VIL1: variants seen among roughly 807,000 people sequenced by gnomAD.
VIL1 encodes the protein villin-1.
A neutral mutation model predicts 104.0 loss-of-function variants in VIL1; 86 were observed. The ratio of observed to expected loss-of-function variants is 0.83; its 90% confidence interval spans 0.69 to 0.99. The LOEUF (loss-of-function observed/expected upper bound fraction) is 0.99. Ranked by LOEUF, VIL1 falls within the 50% of genes least tolerant of loss-of-function variation. The pLI is 0.00. For missense variants in VIL1, 944 were observed against 1,054.1 expected (o/e 0.90, Z 1.45); for synonymous variants, 394 against 412.6 (o/e 0.95, Z 0.55).
At chr2:218,428,427 G>A in intron 6 of VIL1, 90 bp downstream of exon 6, 1 of 1,145,604 alleles carries the variant, frequency 8.7e-7, no homozygotes, top group Admixed American at 1.9e-5. Flanking sequence ...CTGACTGCTG[G>A]GGACAGCATG....
In VIL1 at chr2:218,432,791, A is replaced by G. The variant is rs1456300301; in HGVS notation, c.1342-2A>G. 1 of 1,614,074 alleles carries G rather than the reference A, an allele frequency of 6.2e-7. No individual in the cohort carries two copies. Among genetic ancestry groups the G allele is most frequent in the Non-Finnish European group, 8.5e-7 (1 of 1,179,994 alleles). ...CACTCACTCCCTCCTGCTCATCCCCAGGGCAGCCAGGCCAGCCAAGATGAA... is the reference window on the plus strand; with the variant it reads ...CACTCACTCCCTCCTGCTCATCCCCGGGGCAGCCAGGCCAGCCAAGATGAA... On this transcript the variant is annotated splice_acceptor_variant, in intron 12 of 19. Coordinates refer to ENST00000248444, the MANE Select transcript of VIL1 (RefSeq NM_007127.3). LOFTEE classifies it high-confidence loss of function.
rs368993342 is a variant in VIL1 at position 218,440,836 on chromosome 2, G to A, written c.2344G>A (p.Glu782Lys). 5.7e-5 allele frequency: 92 copies of A among 1,613,994 alleles called. No individual in the cohort carries two copies. The highest frequency in any genetic ancestry group is 2.2e-4 in the East Asian group (10 of 44,884). Residue 782 changes from glutamate to lysine, a missense_variant, in exon 19 of 20, where the codon GAG becomes AAG. By Grantham distance (56) the Glu-to-Lys change is moderately conservative. Transcript: ENST00000248444. Reference sequence around the variant, plus strand: ...GAACAAGCCTGTAGAGGAGCTCCCCGAGGGTGTGGACCCCAGCAGGAAGGA... The same window carrying A: ...GAACAAGCCTGTAGAGGAGCTCCCCAAGGGTGTGGACCCCAGCAGGAAGGA... ...LVNKPVEELP[E>K]GVDPSRKEEH... is the part of the protein sequence containing the mutation.
chr2:218,445,768 T>C (rs116461407), intron 19 of VIL1, among the ~76,000 whole-genome samples: 1,817 of 152,218 alleles, frequency 0.012, 27 homozygotes, highest in African/African-American at 0.042. Flanking sequence ...TGATGTTTTA[T>C]AGCAACTTTA....
intron 1 of VIL1, among the ~76,000 whole-genome samples, 196 bp downstream of exon 1, chr2:218,419,364 C>G (rs1688862602): frequency 6.6e-6 from 1 of 152,110 alleles, no homozygotes; most frequent in African/African-American, 2.4e-5. Flanking sequence ...GAGACTTTTG[C>G]AGGCCCTGCC....
Position 218,440,723 on chromosome 2 carries a change from A to T in VIL1, c.2231A>T (p.Glu744Val). Reference protein sequence around the residue: ...NSRDWSQITAEVTSPKVDVFN... With the variant: ...NSRDWSQITAVVTSPKVDVFN... The stretch of plus-strand genomic sequence containing the variant: ...CAGTGGTTTCCTTTTCTTTCCTAGG[A>T]GGTCACAAGCCCCAAAGTGGACGTG... Residue 744 changes from glutamate to valine, a missense_variant and splice_region_variant, in exon 19 of 20, where the codon GAG becomes GTG. By Grantham distance (121) the Glu-to-Val change is moderately radical. Transcript: ENST00000248444. 1 of 1,613,832 alleles carries T rather than the reference A, an allele frequency of 6.2e-7. No homozygotes were observed. Among genetic ancestry groups the T allele is most frequent in the Non-Finnish European group, 8.5e-7 (1 of 1,179,840 alleles).
chr2:218,426,435 A>T lies in VIL1; in HGVS notation c.347+624A>T, dbSNP rs545096916. Among the ~76,000 whole-genome samples the T allele has an allele frequency of 3.2e-4, 48 of 150,922 alleles. No homozygotes were observed. The South Asian group carries it at 4.4e-3, about 14-fold the overall frequency. ...AGGCCTGGCTAATTTTTGTATTTTT[A>T]GTAGAGACAGGGTTTCACCACGGGC... On this transcript the variant is annotated intron_variant, in intron 4 of 19. Coordinates refer to ENST00000248444, the MANE Select transcript of VIL1 (RefSeq NM_007127.3).
At chr2:218,441,155 G>A (rs1319587186) in intron 19 of VIL1, among the ~76,000 whole-genome samples, 6 of 152,152 alleles carry the variant, frequency 3.9e-5, no homozygotes, top group South Asian at 4.1e-4. Context: ...TTGGGAGGCC[G>A]AGGTGGGTGG....
At position 218,425,744 on chromosome 2, in the gene VIL1, G is replaced by A; in HGVS notation, c.280G>A (p.Val94Met). 1 of 1,614,198 alleles carries A rather than the reference G, an allele frequency of 6.2e-7. No homozygotes were observed. Among genetic ancestry groups the A allele is most frequent in the South Asian group, 1.1e-5 (1 of 91,080 alleles). ...QMDDFLKGRA[V>M]QHREVQGNES... Reference sequence around the variant, plus strand: ...GGATGACTTCCTGAAGGGCCGGGCTGTGCAGCACCGCGAGGTCCAGGGCAA... The same window carrying A: ...GGATGACTTCCTGAAGGGCCGGGCTATGCAGCACCGCGAGGTCCAGGGCAA... The change falls in exon 4 of 20, where the codon GTG (valine) becomes ATG (methionine). Residue 94 changes from valine (V) to methionine (M), a missense_variant. Transcript: ENST00000248444.
chr2:218,431,370 A>G (rs1235291927), intron 10 of VIL1, among the ~76,000 whole-genome samples: 1 of 150,394 alleles, frequency 6.6e-6, no homozygotes. Context: ...AAAAAAAAAA[A>G]AAAGGGGAGC....
At chr2:218,434,843 C>A in intron 14 of VIL1, 138 bp downstream of exon 14, 1 of 845,232 alleles carries the variant, frequency 1.2e-6, no homozygotes, top group Non-Finnish European at 1.8e-6. Context: ...CCTCTGGAGC[C>A]CAGTCTCTCC....
chr2:218,438,926 A>ATTTTTT (rs34676834), intron 18 of VIL1, among the ~76,000 whole-genome samples, 200 bp downstream of exon 18: 3 of 107,660 alleles, frequency 2.8e-5, no homozygotes, highest in African/African-American at 1.1e-4. Context: ...ATGGTTCTCA[A>ATTTTTT]TTTTTTTTTT....
intron 19 of VIL1, 50 bp downstream of exon 19, chr2:218,440,912 C>G (rs1265323523): frequency 1.9e-6 from 3 of 1,603,584 alleles, no homozygotes; most frequent in Non-Finnish European, 2.6e-6. Flanking sequence ...GTTGGACCAC[C>G]ATAGTTGACT....
At chr2:218,421,511 C>A (rs1354650773) in intron 1 of VIL1, among the ~76,000 whole-genome samples, 1 of 152,084 alleles carries the variant, frequency 6.6e-6, no homozygotes, top group Admixed American at 6.5e-5. Context: ...CCCTGGTCTT[C>A]CTGGAAGTTC....
chr2:218,424,457 C>T lies in VIL1; in HGVS notation c.150+106C>T, dbSNP rs1574811781. 12 of 1,234,286 alleles carry T rather than the reference C, an allele frequency of 9.7e-6. No individual in the cohort carries two copies. The East Asian group carries it at 2.8e-4, about 29-fold the overall frequency. 76.5% of individuals were successfully genotyped at this position (1,234,286 alleles called of 1,614,324 possible). A position where few individuals can be genotyped will look rare whatever the true frequency, so the allele number is the denominator to read the frequency against. On this transcript the variant is annotated intron_variant, in intron 3 of 19. Coordinates refer to ENST00000248444, the MANE Select transcript of VIL1 (RefSeq NM_007127.3). The stretch of plus-strand genomic sequence containing the variant: ...GGGGAGAGTTGGCCTGGCTTCACCC[C>T]AAGACACAATTTACTGGGTATGCCC...
Position 218,425,635 on chromosome 2 carries a change from C to G in VIL1, c.171C>G (p.Ser57Arg). Residue 57 changes from serine to arginine, a missense_variant, in exon 4 of 20, where the codon AGC becomes AGG. Transcript: ENST00000248444. Reference protein sequence around the residue: ...IILAIHKTASSLSYDIHYWIG... With the variant: ...IILAIHKTASRLSYDIHYWIG... ...CCTAGATCCACAAGACAGCCAGCAG[C>G]CTGTCCTATGACATCCACTACTGGA... 6.2e-7 allele frequency: 1 copy of G among 1,614,174 alleles called. No individual in the cohort carries two copies. Among genetic ancestry groups the G allele is most frequent in the African/African-American group, 1.3e-5 (1 of 75,064 alleles).
At chr2:218,448,269 C>T (rs988156623) in intron 19 of VIL1, among the ~76,000 whole-genome samples, 2 of 150,160 alleles carry the variant, frequency 1.3e-5, no homozygotes, top group Non-Finnish European at 3.0e-5. Context: ...AAAAACAAAA[C>T]AACAAAAAAC....
rs760259869 is a variant in VIL1 at position 218,451,962 on chromosome 2, C to T, written c.*2626C>T. Reference sequence around the variant, plus strand: ...CTGAGACAAAACTCATGAGTGTGCACACACATGTGAATATATCCCTACGAA... The same window carrying T: ...CTGAGACAAAACTCATGAGTGTGCATACACATGTGAATATATCCCTACGAA... On this transcript the variant is annotated 3_prime_UTR_variant, in exon 20 of 20. Transcript: ENST00000248444. The T allele has an allele frequency of 3.3e-5, 5 of 152,602 alleles. No homozygotes were observed. Among genetic ancestry groups the T allele is most frequent in the Admixed American group, 2.0e-4 (3 of 15,272 alleles). The allele number at this position is 152,602 out of a possible 1,614,324, so 9.5% of individuals were successfully genotyped here. A position where few individuals can be genotyped will look rare whatever the true frequency, so the allele number is the denominator to read the frequency against.
intron 19 of VIL1, among the ~76,000 whole-genome samples, chr2:218,442,458 GGA>G (rs886632463): frequency 2.0e-5 from 3 of 152,150 alleles, no homozygotes; most frequent in African/African-American, 7.2e-5. Context: ...TGTGGGGAAT[GGA>G]GTTTGGGGCT....
rs1574811659 is a variant in VIL1, at chr2:218,424,151, T to G, written c.76-126T>G. ...TCACAGTTTTCTTCTCCTCTCTTCC[T>G]TTTCTCTCCTTTCATTCCTGGGCCC... On this transcript the variant is annotated intron_variant, in intron 2 of 19. Transcript: ENST00000248444. 4.9e-6 allele frequency: 4 copies of G among 808,342 alleles called. No individual in the cohort carries two copies. In the East Asian group the frequency reaches 9.9e-5, roughly 20 times the overall value. 50.1% of individuals were successfully genotyped at this position (808,342 alleles called of 1,614,324 possible).
Sources: allele counts gnomAD v4.1 joint callset (sites outside exome capture counted in the v4.1 genomes callset), GRCh38; gene constraint gnomAD v4.1.1; transcripts MANE v1.5; gene names NCBI Gene and HGNC (gene_info 2026-07-23, HGNC 2026-07-21).